Variants in ACMSD observed in about 807,000 individuals in gnomAD.
ACMSD encodes 2-amino-3-carboxymuconate-6-semialdehyde decarboxylase.
A neutral mutation model predicts 45.9 loss-of-function variants in ACMSD; 37 were observed. That is an observed-to-expected ratio of 0.81 (90% CI 0.62 to 1.06). The LOEUF is 1.06. ACMSD is among the 50% of genes least tolerant of loss of function. ACMSD has a pLI of 0.00. For synonymous variants in ACMSD, 138 were observed against 148.8 expected, an observed-to-expected ratio of 0.93 and a Z score of 0.53; for missense variants, 434 against 420.9, an observed-to-expected ratio of 1.03 and a Z score of -0.27.
chr2:134,859,595 A>G, intron 3 of ACMSD: 1 of 372,366 alleles, frequency 2.7e-6, no homozygotes, highest in Non-Finnish European at 4.8e-6. Flanking sequence ...ATATCATGAA[A>G]AAGATAAAAA....
At chr2:134,869,205 C>CATTTATTTATTT (rs10685496) in intron 6 of ACMSD, among the ~76,000 whole-genome samples, 7 of 149,540 alleles carry the variant, frequency 4.7e-5, no homozygotes, top group Admixed American at 3.3e-4. Flanking sequence ...CCCACAAGCT[C>CATTTATTTATTT]ATTTATTTAT....
chr2:134,839,338 G>A (rs1686675529), intron 1 of ACMSD, among the ~76,000 whole-genome samples: 1 of 152,166 alleles, frequency 6.6e-6, no homozygotes, highest in Non-Finnish European at 1.5e-5. Flanking sequence ...TGAAGCTTTT[G>A]CACAGTGACA....
chr2:134,898,301 T>C, intron 8 of ACMSD, 40 bp from the exon 9 acceptor site: 1 of 1,379,624 alleles, frequency 7.2e-7, no homozygotes, highest in East Asian at 2.4e-5. Context: ...CTCTTTCATG[T>C]TTTACAAAAC....
chr2:134,842,373 G>A (rs1456835444), intron 1 of ACMSD, among the ~76,000 whole-genome samples: 3 of 152,164 alleles, frequency 2.0e-5, no homozygotes, highest in African/African-American at 7.2e-5. Context: ...GAGGGACACA[G>A]AGGGACAAAA....
chr2:134,860,809 C>T (rs1687810428), intron 3 of ACMSD, among the ~76,000 whole-genome samples: 1 of 135,508 alleles, frequency 7.4e-6, no homozygotes, highest in Admixed American at 8.5e-5. Context: ...CCCTTGAGCC[C>T]AGGAGTTCAG....
intron 7 of ACMSD, among the ~76,000 whole-genome samples, chr2:134,871,682 GACACACACACAC>G (rs1170611331): frequency 1.4e-5 from 2 of 138,898 alleles, no homozygotes; most frequent in Non-Finnish European, 3.1e-5. Flanking sequence ...TCAACAGACA[GACACACACACAC>G]ACACACACAC....
chr2:134,892,645 A>C, intron 8 of ACMSD, among the ~76,000 whole-genome samples: 1 of 152,124 alleles, frequency 6.6e-6, no homozygotes, highest in Non-Finnish European at 1.5e-5. Context: ...CCTAGGGTCA[A>C]GGGAGTCCAT....
chr2:134,860,472 A>G (rs1260457626), intron 3 of ACMSD, among the ~76,000 whole-genome samples: 1 of 152,208 alleles, frequency 6.6e-6, no homozygotes, highest in Non-Finnish European at 1.5e-5. Context: ...AAGTGTTTAC[A>G]TTGGTGGAAG....
chr2:134,841,682 A>G lies in ACMSD; in HGVS notation c.57+2943A>G, dbSNP rs376551649. ...CTGCAATGGATTATTCACAGCAACA[A>G]TGAGGATGATACAGTTTCAGCTTTT... On this transcript the variant is annotated intron_variant, in intron 1 of 9. Transcript: ENST00000356140. 1.5e-4 allele frequency among the ~76,000 whole-genome samples: 23 copies of G among 152,322 alleles called. No homozygotes were observed. The East Asian group carries it at 4.4e-3, about 29-fold the overall frequency.
intron 1 of ACMSD, 133 bp from the exon 2 acceptor site, chr2:134,845,100 G>T (rs144250726): frequency 2.5e-6 from 2 of 811,264 alleles, no homozygotes; most frequent in South Asian, 1.5e-5. Flanking sequence ...CTAAATAGGC[G>T]ATACATGGGT....
chr2:134,883,162 A>C (rs544988698), intron 8 of ACMSD, among the ~76,000 whole-genome samples: 2 of 152,180 alleles, frequency 1.3e-5, no homozygotes, highest in African/African-American at 4.8e-5. Flanking sequence ...GAAATGCCCT[A>C]CTAAAATGGA....
intron 8 of ACMSD, among the ~76,000 whole-genome samples, chr2:134,885,469 ATTT>A (rs1225014610): frequency 2.4e-5 from 2 of 83,946 alleles, no homozygotes; most frequent in African/African-American, 1.1e-4. Context: ...TAGATATGTG[ATTT>A]TTTTTCAGGT....
intron 2 of ACMSD, among the ~76,000 whole-genome samples, chr2:134,848,057 G>A (rs1454043766): frequency 2.0e-5 from 3 of 152,242 alleles, no homozygotes; most frequent in South Asian, 4.1e-4. Context: ...CTCCATGTTG[G>A]TCAGGCAGGT....
intron 1 of ACMSD, 104 bp from the exon 2 acceptor site, chr2:134,845,129 C>T: frequency 8.9e-7 from 1 of 1,126,586 alleles, no homozygotes; most frequent in Non-Finnish European, 1.4e-6. Context: ...AATGGGAAGG[C>T]AATGCTTGAA....
chr2:134,868,451 C>CTTTT (rs1170969126), intron 6 of ACMSD, among the ~76,000 whole-genome samples: 10 of 124,208 alleles, frequency 8.1e-5, no homozygotes, highest in South Asian at 7.7e-4. Flanking sequence ...ATATTTTTTT[C>CTTTT]TTTTTTTTTT....
chr2:134,875,407 A>T (rs1688683278), intron 8 of ACMSD, among the ~76,000 whole-genome samples: 1 of 152,210 alleles, frequency 6.6e-6, no homozygotes, highest in Non-Finnish European at 1.5e-5. Flanking sequence ...ACATCTTAAG[A>T]ATACACAGAT....
At chr2:134,890,045 T>A (rs1409818289) in intron 8 of ACMSD, among the ~76,000 whole-genome samples, 1 of 152,084 alleles carries the variant, frequency 6.6e-6, no homozygotes, top group African/African-American at 2.4e-5. Context: ...TATTACTGAA[T>A]GATAATACCA....
intron 7 of ACMSD, among the ~76,000 whole-genome samples, chr2:134,871,682 GACAC>G (rs1170611331): frequency 4.9e-4 from 68 of 138,992 alleles, no homozygotes; most frequent in African/African-American, 1.5e-3. Flanking sequence ...TCAACAGACA[GACAC>G]ACACACACAC....
chr2:134,900,312 T>C (rs974989798), intron 9 of ACMSD, among the ~76,000 whole-genome samples: 5 of 152,164 alleles, frequency 3.3e-5, no homozygotes, highest in African/African-American at 9.7e-5. Flanking sequence ...CAGCCCAAGA[T>C]GTGAATCATC....
Sources: allele counts gnomAD v4.1 joint callset (sites outside exome capture counted in the v4.1 genomes callset), GRCh38; gene constraint gnomAD v4.1.1; transcripts MANE v1.5; gene names NCBI Gene and HGNC (gene_info 2026-07-23, HGNC 2026-07-21).